The following UMAD1 variants were observed in gnomAD, a reference collection of about 807,000 sequenced individuals.
UMAD1 encodes the protein UBAP1-MVB12-associated (UMA)-domain containing protein 1.
Under a neutral mutation model 6.1 loss-of-function variants are expected in UMAD1, and 8 were observed. The ratio of observed to expected loss-of-function variants is 1.30; its 90% CI spans 0.76 to 2.35. UMAD1 has a LOEUF of 2.35. UMAD1 is among the 30% of genes most tolerant of loss of function. The pLI is 0.00. For synonymous variants in UMAD1, 56 were observed against 31.4 expected (o/e 1.78, Z -2.61); for missense variants, 130 against 78.4 (o/e 1.66, Z -2.49).
intron 3 of UMAD1, among the ~76,000 whole-genome samples, chr7:7,876,767 T>C (rs1462934723): frequency 1.3e-5 from 2 of 152,196 alleles, no homozygotes; most frequent in East Asian, 1.9e-4. Flanking sequence ...GATAGACTGC[T>C]TGCCTTCAAG....
rs765309088 is a variant in UMAD1, at chr7:7,830,241, C to T, written c.156+28498C>T. ...ATCAACTTGCCATTTCCTAAACATG[C>T]GTTGTAATCACACGGCTCTCTGTCT... On this transcript the variant is annotated intron_variant, in intron 3 of 3. Coordinates refer to ENST00000682710, the MANE Select transcript of UMAD1 (RefSeq NM_001302348.2). The surrounding 1 kb of genome is among the most constrained non-coding windows in gnomAD (Gnocchi z 5.3). Among the ~76,000 whole-genome samples, 14 of 152,086 alleles carry T rather than the reference C, an allele frequency of 9.2e-5. No homozygotes were observed. Among genetic ancestry groups the T allele is most frequent in the Non-Finnish European group, 1.5e-4 (10 of 68,024 alleles).
chr7:7,645,057 A>C (rs1003707427), intron 1 of UMAD1, among the ~76,000 whole-genome samples: 6 of 152,088 alleles, frequency 3.9e-5, no homozygotes, highest in Admixed American at 2.6e-4. Flanking sequence ...TGCTATTATG[A>C]ATGGTATCAT....
At chr7:7,752,501 T>G (rs980539196) in intron 2 of UMAD1, among the ~76,000 whole-genome samples, 48 of 152,250 alleles carry the variant, frequency 3.2e-4, no homozygotes, top group Middle Eastern at 3.4e-3. Flanking sequence ...CCTGAAATTT[T>G]GCAACTCATA....
At chr7:7,836,181 A>G (rs1783565220) in intron 3 of UMAD1, among the ~76,000 whole-genome samples, 1 of 152,056 alleles carries the variant, frequency 6.6e-6, no homozygotes, top group Non-Finnish European at 1.5e-5. Flanking sequence ...CAATTTGTGT[A>G]CAATAATTTA....
intron 3 of UMAD1, among the ~76,000 whole-genome samples, chr7:7,866,897 G>A (rs1250495909): frequency 6.6e-6 from 1 of 152,104 alleles, no homozygotes; most frequent in African/African-American, 2.4e-5. Flanking sequence ...AGCATTCCAG[G>A]AAGAAGACCT....
At chr7:7,776,481 G>A (rs1437781996) in intron 2 of UMAD1, among the ~76,000 whole-genome samples, 1 of 152,144 alleles carries the variant, frequency 6.6e-6, no homozygotes. Flanking sequence ...AGTAAACCAT[G>A]GGGAAAACTA....
chr7:7,696,299 A>AT (rs1349896059), intron 2 of UMAD1, among the ~76,000 whole-genome samples: 1 of 151,248 alleles, frequency 6.6e-6, no homozygotes, highest in African/African-American at 2.4e-5. Context: ...TATTAGGTAG[A>AT]TTAAAAAAAA....
At chr7:7,649,158 CA>C (rs34943326) in intron 1 of UMAD1, among the ~76,000 whole-genome samples, 2,022 of 128,732 alleles carry the variant, frequency 0.016, 15 homozygotes, top group Non-Finnish European at 0.024. Flanking sequence ...GACTCCATCT[CA>C]AAAAAAAAAA....
chr7:7,734,638 T>C (rs532304092), intron 2 of UMAD1, among the ~76,000 whole-genome samples: 20 of 152,306 alleles, frequency 1.3e-4, no homozygotes, highest in Middle Eastern at 3.4e-3. Context: ...AGGAATTTTG[T>C]TAAAATAAAG....
chr7:7,870,184 A>G (rs1343574679), intron 3 of UMAD1, among the ~76,000 whole-genome samples: 1 of 152,176 alleles, frequency 6.6e-6, no homozygotes, highest in East Asian at 1.9e-4. Flanking sequence ...AGCAAACTTT[A>G]TTTGTTGTAA....
intron 2 of UMAD1, among the ~76,000 whole-genome samples, chr7:7,735,236 C>T (rs1158843713): frequency 1.3e-5 from 2 of 152,092 alleles, no homozygotes; most frequent in African/African-American, 4.8e-5. Flanking sequence ...AAAAATAACC[C>T]ATTACGGGAT....
intron 1 of UMAD1, among the ~76,000 whole-genome samples, chr7:7,664,508 G>T (rs1356836323): frequency 6.6e-6 from 1 of 152,058 alleles, no homozygotes. Flanking sequence ...CCCTTCTTTT[G>T]CAGTCTTGAT....
At chr7:7,727,691 A>C (rs1781166994) in intron 2 of UMAD1, among the ~76,000 whole-genome samples, 1 of 152,210 alleles carries the variant, frequency 6.6e-6, no homozygotes, top group Non-Finnish European at 1.5e-5. Flanking sequence ...GCAGGCAGGA[A>C]AACGTGAAAA....
chr7:7,771,213 T>C (rs989820639), intron 2 of UMAD1, among the ~76,000 whole-genome samples: 7 of 151,866 alleles, frequency 4.6e-5, no homozygotes, highest in African/African-American at 1.2e-4. Context: ...ATATACCCAA[T>C]AACTATGTAT....
intron 2 of UMAD1, among the ~76,000 whole-genome samples, chr7:7,704,662 GAAAGC>G (rs1044039839): frequency 4.3e-5 from 6 of 140,066 alleles, no homozygotes; most frequent in Admixed American, 1.5e-4. Flanking sequence ...CAGCCATTCA[GAAAGC>G]TGAGGGTGAG....
chr7:7,695,314 GC>G (rs1196290039), intron 2 of UMAD1, among the ~76,000 whole-genome samples: 2 of 152,104 alleles, frequency 1.3e-5, no homozygotes, highest in Non-Finnish European at 2.9e-5. Flanking sequence ...GAATTCTCAA[GC>G]CCAGCCAACT....
intron 2 of UMAD1, among the ~76,000 whole-genome samples, chr7:7,757,780 G>A (rs1315255656): frequency 1.3e-5 from 2 of 152,128 alleles, no homozygotes; most frequent in Non-Finnish European, 2.9e-5. Context: ...AGAATGCAGA[G>A]AATGCAGAAA....
chr7:7,656,086 C>T (rs558537665), intron 1 of UMAD1, among the ~76,000 whole-genome samples: 233 of 152,210 alleles, frequency 1.5e-3, no homozygotes, highest in Non-Finnish European at 2.9e-3. Context: ...CCGCCTGCCT[C>T]TGCCTCCCAA....
chr7:7,846,640 T>C (rs1429757266), intron 3 of UMAD1, among the ~76,000 whole-genome samples: 2 of 152,090 alleles, frequency 1.3e-5, no homozygotes, highest in Non-Finnish European at 2.9e-5. Context: ...AATACTGCTA[T>C]TATAACATTG....
Sources: allele counts gnomAD v4.1 joint callset (sites outside exome capture counted in the v4.1 genomes callset), GRCh38; gene constraint gnomAD v4.1.1; non-coding constraint Gnocchi (gnomAD v3.1); transcripts MANE v1.5; gene names NCBI Gene and HGNC (gene_info 2026-07-23, HGNC 2026-07-21).